SORCS1: variants seen among roughly 807,000 people sequenced by gnomAD.
SORCS1 encodes VPS10 domain-containing receptor SorCS1.
Under a neutral mutation model 146.1 loss-of-function variants are expected in SORCS1, and 60 were observed. The ratio of observed to expected loss-of-function variants is 0.41; its 90% CI spans 0.33 to 0.51. The LOEUF (loss-of-function observed/expected upper bound fraction) is 0.51, where lower values mean the gene tolerates loss of function less well. Among genes scored for constraint, SORCS1 ranks in the 20% least tolerant of loss-of-function variants. SORCS1 has a pLI of 0.21. For synonymous variants in SORCS1, 637 were observed against 584.0 expected (o/e 1.09, Z -1.31); for missense variants, 1,352 against 1,487.6 (o/e 0.91, Z 1.50).
intron 24 of SORCS1, 29 bp from the exon 25 acceptor site, chr10:106,579,503 T>G: frequency 6.2e-7 from 1 of 1,610,418 alleles, no homozygotes; most frequent in Non-Finnish European, 8.5e-7. Context: ...CAGAGAAAAA[T>G]GAGCAGAGAA....
intron 1 of SORCS1, among the ~76,000 whole-genome samples, chr10:107,027,966 G>T (rs1645971317): frequency 6.6e-6 from 1 of 152,182 alleles, no homozygotes; most frequent in African/African-American, 2.4e-5. Context: ...CTCAAAATAT[G>T]TATGGTGAAT....
At chr10:106,972,019 A>C (rs952517024) in intron 1 of SORCS1, among the ~76,000 whole-genome samples, 2 of 152,118 alleles carry the variant, frequency 1.3e-5, no homozygotes, top group Non-Finnish European at 2.9e-5. Context: ...ACTTTGTATG[A>C]CTTTAGTTAA....
chr10:106,862,395 C>T (rs982708894), intron 2 of SORCS1, among the ~76,000 whole-genome samples: 4 of 152,072 alleles, frequency 2.6e-5, no homozygotes, highest in Admixed American at 1.3e-4. Flanking sequence ...TTAATATCAC[C>T]ATTTATTTTG....
intron 17 of SORCS1, among the ~76,000 whole-genome samples, chr10:106,656,252 A>G (rs1248220070): frequency 6.6e-6 from 1 of 152,180 alleles, no homozygotes; most frequent in Non-Finnish European, 1.5e-5. Context: ...GAAGTCTTAA[A>G]AAAGATGAAG....
intron 2 of SORCS1, among the ~76,000 whole-genome samples, chr10:106,857,403 A>G (rs1949830833): frequency 6.6e-6 from 1 of 152,232 alleles, no homozygotes; most frequent in African/African-American, 2.4e-5. Flanking sequence ...AGGAAGCATC[A>G]GGGCATTACT....
chr10:107,158,039 T>A (rs117232034), intron 1 of SORCS1, among the ~76,000 whole-genome samples: 4,285 of 152,310 alleles, frequency 0.028, 82 homozygotes, highest in Non-Finnish European at 0.043. Flanking sequence ...GGAGAAAAAT[T>A]AATTTATCCT....
At position 106,652,505 on chromosome 10, in the gene SORCS1, C is replaced by T; in HGVS notation, c.2352G>A (p.Gln784=). The change falls in exon 18 of 26, where the codon CAG becomes CAA. Residue 784 remains glutamine, a synonymous_variant. Coordinates refer to ENST00000263054, the MANE Select transcript of SORCS1 (RefSeq NM_052918.5). The part of the protein sequence containing the change: ...SNNCTDGVRE[Q]YTAKPQKCPG... ...GGCACTTCTGCGGTTTGGCAGTGTA[C>T]TGTTCCCTTACGCCATCAGTGCAAT... The T allele has an allele frequency of 6.2e-7, 1 of 1,614,154 alleles. No individual in the cohort carries two copies. Among genetic ancestry groups the T allele is most frequent in the Non-Finnish European group, 8.5e-7 (1 of 1,179,996 alleles).
At chr10:106,908,584 G>A (rs1035043750) in intron 2 of SORCS1, among the ~76,000 whole-genome samples, 6 of 152,130 alleles carry the variant, frequency 3.9e-5, no homozygotes, top group Non-Finnish European at 8.8e-5. Flanking sequence ...AGCTCTGCTC[G>A]GGGGAATGTG....
At chr10:107,166,083 T>C (rs1231883004), upstream of SORCS1, among the ~76,000 whole-genome samples, 1 of 152,216 alleles carries the variant, frequency 6.6e-6, no homozygotes, top group East Asian at 1.9e-4. Context: ...AGTCTTCATA[T>C]ACGTAATATT....
chr10:106,706,100 T>C (rs1854498789), intron 8 of SORCS1, among the ~76,000 whole-genome samples: 1 of 151,936 alleles, frequency 6.6e-6, no homozygotes, highest in Non-Finnish European at 1.5e-5. Context: ...AGAAAACCAA[T>C]ACATATGGCT....
At position 107,164,285 on chromosome 10, in the gene SORCS1, G is replaced by A. The variant is rs1217102585; in HGVS notation, c.242C>T (p.Ala81Val). 2 of 1,595,578 alleles carry A rather than the reference G, an allele frequency of 1.3e-6. No individual in the cohort carries two copies. Among genetic ancestry groups the A allele is most frequent in the Non-Finnish European group, 8.5e-7 (1 of 1,175,338 alleles). ...CAGGGATAGCGCTCGGTCCCCGGGGGCCACTGAGAACAGGGGACGCACTAC... is the reference window on the plus strand; with the variant it reads ...CAGGGATAGCGCTCGGTCCCCGGGGACCACTGAGAACAGGGGACGCACTAC... The part of the protein sequence containing the change: ...PLVVRPLFSV[A>V]PGDRALSLER... The change falls in exon 1 of 26, where the codon GCC (alanine) becomes GTC (valine). Residue 81 changes from alanine to valine, a missense_variant. Ala to Val is a moderately conservative substitution (Grantham distance 64). This residue lies in a region of SORCS1 where 490 missense variants were observed against 489.1 expected (regional missense o/e 1.00). Coordinates refer to ENST00000263054, the MANE Select transcript of SORCS1 (RefSeq NM_052918.5). The surrounding 1 kb of genome is among the most constrained non-coding windows in gnomAD (Gnocchi z 6.8).
intron 8 of SORCS1, among the ~76,000 whole-genome samples, chr10:106,705,636 T>C (rs1854461965): frequency 6.6e-6 from 1 of 152,226 alleles, no homozygotes. Flanking sequence ...TATAGCCACA[T>C]GCATCTCCCT....
intron 1 of SORCS1, among the ~76,000 whole-genome samples, chr10:107,112,959 A>T (rs61867248): frequency 6.6e-6 from 1 of 152,086 alleles, no homozygotes; most frequent in Non-Finnish European, 1.5e-5. Flanking sequence ...TCCAGAGAGA[A>T]AATTAATAAA....
chr10:106,763,860 T>C (rs1002951748), intron 4 of SORCS1, among the ~76,000 whole-genome samples: 1 of 152,210 alleles, frequency 6.6e-6, no homozygotes, highest in African/African-American at 2.4e-5. Flanking sequence ...CTCTAAAATA[T>C]CTAAGACCAC....
chr10:106,750,656 G>A (rs367843756), intron 5 of SORCS1, among the ~76,000 whole-genome samples: 3 of 144,552 alleles, frequency 2.1e-5, no homozygotes, highest in Admixed American at 7.1e-5. Flanking sequence ...GTGAACCTGG[G>A]AGACGGAACT....
chr10:106,754,867 G>A (rs1858519216), intron 5 of SORCS1, among the ~76,000 whole-genome samples: 1 of 152,196 alleles, frequency 6.6e-6, no homozygotes, highest in Non-Finnish European at 1.5e-5. Context: ...CAGAAAATAT[G>A]TATCACCATT....
At chr10:106,738,841 A>T (rs1857151054) in intron 5 of SORCS1, among the ~76,000 whole-genome samples, 1 of 152,050 alleles carries the variant, frequency 6.6e-6, no homozygotes, top group South Asian at 2.1e-4. Context: ...AAAATTTTTA[A>T]AAAGGCCAGG....
At chr10:106,988,238 A>C (rs936622509) in intron 1 of SORCS1, among the ~76,000 whole-genome samples, 21 of 152,230 alleles carry the variant, frequency 1.4e-4, no homozygotes, top group Admixed American at 7.2e-4. Context: ...GGAGCAAAGG[A>C]ATCTAGCCAC....
intron 5 of SORCS1, among the ~76,000 whole-genome samples, chr10:106,740,273 T>C (rs10884349): frequency 0.22 from 32,880 of 152,054 alleles, 4,413 homozygotes; most frequent in East Asian, 0.47. Context: ...CCCTAGGGTG[T>C]GGGTGCAGGT....
Sources: allele counts gnomAD v4.1 joint callset (sites outside exome capture counted in the v4.1 genomes callset), GRCh38; gene constraint gnomAD v4.1.1; regional missense constraint gnomAD v4.1.1; non-coding constraint Gnocchi (gnomAD v3.1); transcripts MANE v1.5; gene names NCBI Gene and HGNC (gene_info 2026-07-23, HGNC 2026-07-21).